The following PRPF38A variants were observed in gnomAD, a reference collection of about 807,000 sequenced individuals.
PRPF38A encodes pre-mRNA processing factor 38A.
Under a neutral mutation model 46.8 loss-of-function variants are expected in PRPF38A, and 11 were observed. That is an observed-to-expected ratio of 0.24 (90% confidence interval 0.15 to 0.39). PRPF38A has a LOEUF of 0.39. Among genes scored for constraint, PRPF38A ranks in the 10% least tolerant of loss-of-function variants. The pLI is 1.00. For synonymous variants in PRPF38A, 124 were observed against 136.2 expected (o/e 0.91, Z 0.62); for missense variants, 261 against 407.5 (o/e 0.64, Z 3.10).
intron 8 of PRPF38A, 113 bp downstream of exon 8, chr1:52,414,972 A>C: frequency 1.1e-6 from 1 of 895,784 alleles, no homozygotes; most frequent in Non-Finnish European, 1.7e-6. Flanking sequence ...AGAAAAGCAA[A>C]TGGACATAGA....
Position 52,405,697 on chromosome 1 carries a change from A to G in PRPF38A, c.148A>G (p.Lys50Glu), listed in dbSNP as rs1319932749. ...FGLTAELVVD[K>E]AMELRFVGGV... ...TTTTTTAGCTGAACTTGTAGTCGAT[A>G]AAGCCATGGAGTTAAGGTTTGTGGG... Residue 50 changes from lysine (K) to glutamate (E), a missense_variant, in exon 2 of 10, where the codon AAA becomes GAA. By Grantham distance (56) the Lys-to-Glu change is moderately conservative. Around this residue, in one of 2 missense-constraint regions of PRPF38A, gnomAD observed 81 missense variants for 186.5 expected, o/e 0.43. Transcript: ENST00000257181. The G allele has an allele frequency of 6.2e-7, 1 of 1,613,330 alleles. No individual in the cohort carries two copies. The highest frequency in any genetic ancestry group is 8.5e-7 in the Non-Finnish European group (1 of 1,180,010).
rs578016489 is a variant in PRPF38A, at chr1:52,418,434, TTAAAA to T, written c.*1750_*1754del. ...AACCAAGCTGTCATCCAGTACACTCTTAAAATAAAACTTTGTCTTAAAATATGTTT... is the reference window on the plus strand; with the variant it reads ...AACCAAGCTGTCATCCAGTACACTCTTAAAACTTTGTCTTAAAATATGTTT... On this transcript the variant is annotated 3_prime_UTR_variant, in exon 10 of 10. Transcript: ENST00000257181. 58 of 152,326 alleles carry T rather than the reference TTAAAA, an allele frequency of 3.8e-4. No individual in the cohort carries two copies. Among genetic ancestry groups the T allele is most frequent in the Non-Finnish European group, 3.1e-4 (21 of 68,024 alleles). The allele number at this position is 152,326 out of a possible 1,614,324, so 9.4% of individuals were successfully genotyped here.
At chr1:52,408,965 T>G in intron 3 of PRPF38A, 1 of 265,818 alleles carries the variant, frequency 3.8e-6, no homozygotes, top group East Asian at 7.4e-5. Flanking sequence ...TTACATGTGC[T>G]CCATCCCAAA....
At chr1:52,410,242 C>T (rs902897872) in intron 3 of PRPF38A, among the ~76,000 whole-genome samples, 1 of 148,328 alleles carries the variant, frequency 6.7e-6, no homozygotes, top group Admixed American at 6.7e-5. Flanking sequence ...GCGGAGGTTG[C>T]AGTGAGCCAA....
At chr1:52,415,831 T>C (rs989352937) in intron 9 of PRPF38A, among the ~76,000 whole-genome samples, 1 of 112,196 alleles carries the variant, frequency 8.9e-6, no homozygotes, top group African/African-American at 3.3e-5. Context: ...TTGGGTGCAC[T>C]CTTTTTTTTT....
intron 2 of PRPF38A, among the ~76,000 whole-genome samples, chr1:52,406,931 C>A (rs749060755): frequency 1.3e-5 from 2 of 152,186 alleles, no homozygotes; most frequent in Non-Finnish European, 2.9e-5. Flanking sequence ...TTCTGCTTCT[C>A]GTACAAAGAA....
At chr1:52,413,201 G>A (rs1648194096) in intron 5 of PRPF38A, among the ~76,000 whole-genome samples, 2 of 152,172 alleles carry the variant, frequency 1.3e-5, no homozygotes, top group Admixed American at 1.3e-4. Flanking sequence ...GCCCTTAGCA[G>A]AGTATTGGCA....
rs1648063850 is a variant in PRPF38A at position 52,408,514 on chromosome 1, T to G, written c.291-55T>G. On this transcript the variant is annotated intron_variant, in intron 2 of 9. Transcript: ENST00000257181. Reference sequence around the variant, plus strand: ...CTACTGTCATGAGAACAGCTAGTTGTAAAACTCAGGAACTTCTAGGATGGC... The same window carrying G: ...CTACTGTCATGAGAACAGCTAGTTGGAAAACTCAGGAACTTCTAGGATGGC... 5 of 1,612,926 alleles carry G rather than the reference T, an allele frequency of 3.1e-6. No homozygotes were observed. The African/African-American group carries it at 5.3e-5, about 17-fold the overall frequency.
chr1:52,415,461 T>C, intron 9 of PRPF38A, 75 bp downstream of exon 9: 1 of 1,312,714 alleles, frequency 7.6e-7, no homozygotes, highest in Non-Finnish European at 1.1e-6. Flanking sequence ...AATTTTCTTG[T>C]TTTGTTGGGG....
intron 7 of PRPF38A, 46 bp downstream of exon 7, chr1:52,414,693 G>A (rs1648240485): frequency 6.2e-7 from 1 of 1,613,564 alleles, no homozygotes; most frequent in African/African-American, 1.3e-5. Context: ...TTTGGGGAGG[G>A]GGTGGTGGTA....
chr1:52,405,575 T>C lies in PRPF38A; in HGVS notation c.131-105T>C. 3 of 990,772 alleles carry C rather than the reference T, an allele frequency of 3.0e-6. No homozygotes were observed. The South Asian group carries it at 4.5e-5, about 15-fold the overall frequency. The allele number at this position is 990,772 out of a possible 1,614,324, so 61.4% of individuals were successfully genotyped here. ...TTAATACACATTCGTTCTCCTAATA[T>C]TACACTGTTGATGTATATTTAGGAG... On this transcript the variant is annotated intron_variant, in intron 1 of 9. Coordinates refer to ENST00000257181, the MANE Select transcript of PRPF38A (RefSeq NM_032864.4).
At chr1:52,414,961 C>T (rs1387059337) in intron 8 of PRPF38A, 102 bp downstream of exon 8, 22 of 1,017,156 alleles carry the variant, frequency 2.2e-5, no homozygotes, top group East Asian at 4.9e-5. Flanking sequence ...TACTGCCTAA[C>T]AGAAAAGCAA....
chr1:52,415,253 A>C (rs1396558470), intron 8 of PRPF38A, 85 bp from the exon 9 acceptor site: 2 of 1,356,928 alleles, frequency 1.5e-6, no homozygotes, highest in Non-Finnish European at 2.1e-6. Context: ...ATATTAAGCC[A>C]ATGGCAGGTA....
intron 3 of PRPF38A, among the ~76,000 whole-genome samples, chr1:52,410,548 C>T (rs1243431140): frequency 2.7e-5 from 4 of 150,000 alleles, no homozygotes; most frequent in African/African-American, 4.9e-5. Context: ...GTTGCCCAGG[C>T]TGGAGTGCAG....
intron 1 of PRPF38A, 141 bp downstream of exon 1, chr1:52,405,020 T>A: frequency 1.1e-6 from 1 of 883,994 alleles, no homozygotes; most frequent in Non-Finnish European, 1.8e-6. Flanking sequence ...TTTGAGTGCC[T>A]GCTAAGTGCC....
At chr1:52,407,633 A>C (rs1370414545) in intron 2 of PRPF38A, among the ~76,000 whole-genome samples, 2 of 152,200 alleles carry the variant, frequency 1.3e-5, no homozygotes, top group African/African-American at 4.8e-5. Context: ...TTAAAATTCA[A>C]TATATGGCCA....
At chr1:52,406,208 C>CG (rs965688479) in intron 2 of PRPF38A, among the ~76,000 whole-genome samples, 59 of 152,186 alleles carry the variant, frequency 3.9e-4, no homozygotes, top group African/African-American at 1.4e-3. Context: ...AGGCTGGTCT[C>CG]GAACTCCAGA....
In PRPF38A at chr1:52,414,756, C is replaced by A; in HGVS notation, c.750-6C>A. 6.2e-7 allele frequency: 1 copy of A among 1,614,116 alleles called. No homozygotes were observed. The highest frequency in any genetic ancestry group is 8.5e-7 in the Non-Finnish European group (1 of 1,180,022). On this transcript the variant is annotated splice_region_variant and splice_polypyrimidine_tract_variant and intron_variant, in intron 7 of 9. Transcript: ENST00000257181. The stretch of plus-strand genomic sequence containing the variant: ...GATCTGGTAGTCTGACCAGTCTTTT[C>A]TACAGCCCCTCCCCTCGCCGAGAAA...
rs759799579 is a variant in PRPF38A, at chr1:52,420,725, G to GAT, written c.*4037_*4038dup. ...TGGTTGGAATGAATGAAGTTCACCA[G>GAT]ATAGTACTTCTTTCTGGCTGATGAA... is the stretch of plus-strand genomic sequence containing the variant. On this transcript the variant is annotated 3_prime_UTR_variant, in exon 10 of 10. Transcript: ENST00000257181. 1 of 152,190 alleles carries GAT rather than the reference G, an allele frequency of 6.6e-6. No homozygotes were observed. The highest frequency in any genetic ancestry group is 1.5e-5 in the Non-Finnish European group (1 of 68,020). The allele number at this position is 152,190 out of a possible 1,614,324, so 9.4% of individuals were successfully genotyped here.
Sources: allele counts gnomAD v4.1 joint callset (sites outside exome capture counted in the v4.1 genomes callset), GRCh38; gene constraint gnomAD v4.1.1; regional missense constraint gnomAD v4.1.1; transcripts MANE v1.5; gene names NCBI Gene and HGNC (gene_info 2026-07-23, HGNC 2026-07-21).